SAMD4A: variants seen among roughly 807,000 people sequenced by gnomAD.
SAMD4A encodes sterile alpha motif domain containing 4A.
Under a neutral mutation model 81.3 loss-of-function variants are expected in SAMD4A, and 33 were observed. The ratio of observed to expected loss-of-function variants is 0.41; its 90% confidence interval spans 0.31 to 0.54. The LOEUF (loss-of-function observed/expected upper bound fraction) is 0.54. SAMD4A is among the 20% of genes least tolerant of loss of function. SAMD4A has a pLI of 0.37. For missense variants in SAMD4A, 854 were observed against 951.1 expected (o/e 0.90, Z 1.34); for synonymous variants, 389 against 382.1 (o/e 1.02, Z -0.21).
chr14:54,661,815 G>C (rs1313771047), intron 2 of SAMD4A, among the ~76,000 whole-genome samples: 1 of 152,160 alleles, frequency 6.6e-6, no homozygotes, highest in Non-Finnish European at 1.5e-5. Context: ...TCTGAGGACA[G>C]CCCTTTACAT....
intron 11 of SAMD4A, among the ~76,000 whole-genome samples, chr14:54,779,051 G>A (rs1028747088): frequency 6.6e-6 from 1 of 152,324 alleles, no homozygotes; most frequent in East Asian, 1.9e-4. Flanking sequence ...AGGTCCAGAC[G>A]AAGGCTCATC....
intron 9 of SAMD4A, among the ~76,000 whole-genome samples, chr14:54,770,839 T>C (rs2038684148): frequency 6.6e-6 from 1 of 152,216 alleles, no homozygotes; most frequent in Non-Finnish European, 1.5e-5. Context: ...ATATTAAAGA[T>C]GAACTGCAGT....
chr14:54,589,417 T>C (rs1439203089), intron 2 of SAMD4A, among the ~76,000 whole-genome samples: 2 of 152,198 alleles, frequency 1.3e-5, no homozygotes, highest in African/African-American at 2.4e-5. Context: ...GGATTTTCCA[T>C]GTTGATTTTT....
intron 2 of SAMD4A, among the ~76,000 whole-genome samples, chr14:54,685,333 A>G (rs4901529): frequency 0.78 from 117,788 of 150,076 alleles, 48,938 homozygotes; most frequent in Non-Finnish European, 0.93. Context: ...AAGAGACCTC[A>G]TACAAGTGGA....
chr14:54,651,012 C>T (rs2035391804), intron 2 of SAMD4A, among the ~76,000 whole-genome samples: 2 of 152,208 alleles, frequency 1.3e-5, no homozygotes, highest in Admixed American at 6.5e-5. Context: ...TGGATATTCG[C>T]AGAGGTTCCC....
At position 54,777,994 on chromosome 14, in the gene SAMD4A, G is replaced by C. The variant is rs146504236; in HGVS notation, c.2044+1454G>C. ...TCATCCCATCCTCTGTTTTCACGCA[G>C]AATTATGTATAATCCATTCCCAATA... On this transcript the variant is annotated intron_variant, in intron 11 of 12. Transcript: ENST00000554335. Among the ~76,000 whole-genome samples the C allele has an allele frequency of 2.3e-4, 35 of 152,224 alleles. 1 individual carries two copies. In the East Asian group the frequency reaches 6.2e-3, roughly 27 times the overall value.
chr14:54,684,192 T>A (rs2036195686), intron 2 of SAMD4A, among the ~76,000 whole-genome samples: 1 of 152,198 alleles, frequency 6.6e-6, no homozygotes, highest in East Asian at 1.9e-4. Context: ...GCAAATTAAC[T>A]GATATTCCTA....
intron 3 of SAMD4A, among the ~76,000 whole-genome samples, chr14:54,714,611 G>A (rs1476193335): frequency 1.3e-5 from 2 of 152,262 alleles, no homozygotes; most frequent in African/African-American, 4.8e-5. Context: ...GGAATGGAGA[G>A]TAGTGGTTGG....
intron 2 of SAMD4A, among the ~76,000 whole-genome samples, chr14:54,637,899 C>A (rs1433929801): frequency 6.6e-6 from 1 of 152,134 alleles, no homozygotes; most frequent in Non-Finnish European, 1.5e-5. Flanking sequence ...ATTAAGAAAG[C>A]CTCATACACC....
At chr14:54,763,301 A>G (rs2038453374) in intron 7 of SAMD4A, among the ~76,000 whole-genome samples, 1 of 151,984 alleles carries the variant, frequency 6.6e-6, no homozygotes. Context: ...ACTTGAGCCC[A>G]GGAGTTCAAG....
intron 9 of SAMD4A, among the ~76,000 whole-genome samples, chr14:54,772,397 C>A (rs1359914060): frequency 1.3e-5 from 2 of 152,120 alleles, no homozygotes. Flanking sequence ...CAGTGGCAAC[C>A]CTCTGCAAAG....
At chr14:54,706,650 A>G (rs1244130726) in intron 3 of SAMD4A, among the ~76,000 whole-genome samples, 4 of 151,772 alleles carry the variant, frequency 2.6e-5, no homozygotes, top group Non-Finnish European at 4.4e-5. Flanking sequence ...GGAAAGAAAA[A>G]GCAAGCTTTT....
At chr14:54,628,085 T>C (rs182133954) in intron 2 of SAMD4A, among the ~76,000 whole-genome samples, 1 of 152,216 alleles carries the variant, frequency 6.6e-6, no homozygotes, top group Admixed American at 6.5e-5. Flanking sequence ...GAAATTCCAT[T>C]TCCTCTCCTC....
At chr14:54,623,715 C>T (rs756136143) in intron 2 of SAMD4A, among the ~76,000 whole-genome samples, 22 of 152,114 alleles carry the variant, frequency 1.4e-4, no homozygotes, top group Non-Finnish European at 2.8e-4. Flanking sequence ...CTGAACATAG[C>T]TGGGGGATAA....
At chr14:54,656,057 A>G (rs1279260255) in intron 2 of SAMD4A, among the ~76,000 whole-genome samples, 5 of 152,198 alleles carry the variant, frequency 3.3e-5, no homozygotes, top group African/African-American at 9.7e-5. Flanking sequence ...AATGTTAAAT[A>G]ATACTTAATA....
At chr14:54,588,296 T>C (rs546301474) in intron 2 of SAMD4A, among the ~76,000 whole-genome samples, 13 of 152,274 alleles carry the variant, frequency 8.5e-5, no homozygotes, top group Non-Finnish European at 1.8e-4. Context: ...TCGCTAATGG[T>C]CTATCAATTT....
At chr14:54,721,887 A>T (rs1049256334) in intron 3 of SAMD4A, among the ~76,000 whole-genome samples, 3 of 152,190 alleles carry the variant, frequency 2.0e-5, no homozygotes, top group African/African-American at 7.2e-5. Context: ...TAGGTCTTAG[A>T]AATAGTGACA....
At chr14:54,629,787 T>C (rs945162345) in intron 2 of SAMD4A, among the ~76,000 whole-genome samples, 5 of 152,234 alleles carry the variant, frequency 3.3e-5, no homozygotes, top group African/African-American at 9.6e-5. Flanking sequence ...TTTAGAACTC[T>C]TTTAATCTTG....
rs570134301 is a variant in SAMD4A at position 54,659,135 on chromosome 14, A to G, written c.197-42927A>G. ...TGACTGCTAGTAATATTAAAAGGATATGTGTTTTCTTGGTCCCTTACAGAG... is the reference window on the plus strand; with the variant it reads ...TGACTGCTAGTAATATTAAAAGGATGTGTGTTTTCTTGGTCCCTTACAGAG... On this transcript the variant is annotated intron_variant, in intron 2 of 12. Coordinates refer to ENST00000554335, the MANE Select transcript of SAMD4A (RefSeq NM_015589.6). 2.7e-4 allele frequency among the ~76,000 whole-genome samples: 41 copies of G among 152,314 alleles called. 1 individual carries two copies. The highest frequency in any genetic ancestry group is 9.6e-4 in the African/African-American group (40 of 41,570).
Sources: allele counts gnomAD v4.1 joint callset (sites outside exome capture counted in the v4.1 genomes callset), GRCh38; gene constraint gnomAD v4.1.1; transcripts MANE v1.5; gene names NCBI Gene and HGNC (gene_info 2026-07-23, HGNC 2026-07-21).